Variants in PDIA3 observed in about 807,000 individuals in gnomAD.
PDIA3 encodes protein disulfide isomerase family A member 3.
In PDIA3, 16 loss-of-function variants were observed where a neutral mutation model predicts 56.9. The ratio of observed to expected loss-of-function variants is 0.28; its 90% CI spans 0.19 to 0.43. The LOEUF is 0.43. Ranked by LOEUF, PDIA3 falls within the 20% of genes least tolerant of loss-of-function variation. The probability of loss-of-function intolerance (pLI) is 1.00; values close to 1 mark genes in which losing one functional copy is unlikely to be tolerated. For missense variants in PDIA3, 485 were observed against 621.3 expected, an observed-to-expected ratio of 0.78 and a Z score of 2.33; for synonymous variants, 192 against 216.5, an observed-to-expected ratio of 0.89 and a Z score of 0.99.
chr15:43,772,364 A>C lies in PDIA3; in HGVS notation c.*1146A>C, dbSNP rs985980090. 6.6e-6 allele frequency: 1 copy of C among 152,240 alleles called. No individual in the cohort carries two copies. The highest frequency in any genetic ancestry group is 2.4e-5 in the African/African-American group (1 of 41,468). 9.4% of individuals were successfully genotyped at this position (152,240 alleles called of 1,614,324 possible). On this transcript the variant is annotated 3_prime_UTR_variant, in exon 13 of 13. Coordinates refer to ENST00000300289, the MANE Select transcript of PDIA3 (RefSeq NM_005313.5). ...TTCCTACTATATAATTACAGTATTT[A>C]GCTGTCAATTTTAAGATGAATTTGG...
intron 3 of PDIA3, among the ~76,000 whole-genome samples, chr15:43,757,550 T>C (rs1477836925): frequency 6.1e-5 from 8 of 130,418 alleles, no homozygotes; most frequent in African/African-American, 1.2e-4. Flanking sequence ...AGAGCGAGAC[T>C]CCGTCTCAAA....
At chr15:43,749,008 TG>T (rs1279638755) in intron 1 of PDIA3, among the ~76,000 whole-genome samples, 1 of 152,126 alleles carries the variant, frequency 6.6e-6, no homozygotes, top group Non-Finnish European at 1.5e-5. Context: ...TGACTTCAGG[TG>T]ATCTGCCCAC....
chr15:43,760,924 A>G (rs952338518), intron 3 of PDIA3, among the ~76,000 whole-genome samples: 2 of 151,658 alleles, frequency 1.3e-5, no homozygotes, highest in African/African-American at 4.8e-5. Flanking sequence ...TATGCAGAAA[A>G]TGTCTGGAAG....
rs1259222539 is a variant in PDIA3 at position 43,769,531 on chromosome 15, A to G, written c.1151A>G (p.Glu384Gly). ...TGTGTTTTCCAGGTAGTGGTAGCAG[A>G]GAATTTTGATGAAATAGTGAATAAT... ...NDGPVKVVVA[E>G]NFDEIVNNEN... Residue 384 changes from glutamate to glycine, a missense_variant, in exon 10 of 13, where the codon GAG becomes GGG. Glu to Gly is a moderately conservative substitution (Grantham distance 98). Coordinates refer to ENST00000300289, the MANE Select transcript of PDIA3 (RefSeq NM_005313.5). 1.9e-6 allele frequency: 3 copies of G among 1,613,336 alleles called. No individual in the cohort carries two copies. The highest frequency in any genetic ancestry group is 2.5e-6 in the Non-Finnish European group (3 of 1,179,346).
intron 8 of PDIA3, among the ~76,000 whole-genome samples, chr15:43,767,418 A>T (rs965491811): frequency 2.6e-5 from 4 of 152,170 alleles, no homozygotes; most frequent in Admixed American, 6.5e-5. Flanking sequence ...ATCCTTAATG[A>T]ATTCTGAAAA....
At chr15:43,760,977 C>A (rs910882825) in intron 3 of PDIA3, among the ~76,000 whole-genome samples, 2 of 151,290 alleles carry the variant, frequency 1.3e-5, no homozygotes, top group African/African-American at 4.9e-5. Flanking sequence ...TGGTGGCTCA[C>A]GCCTGTAATC....
In PDIA3 at chr15:43,771,275, A is replaced by T. The variant is rs1286064464; in HGVS notation, c.*57A>T. 2.7e-6 allele frequency: 3 copies of T among 1,107,618 alleles called. No homozygotes were observed. The African/African-American group carries it at 4.7e-5, about 17-fold the overall frequency. 68.6% of individuals were successfully genotyped at this position (1,107,618 alleles called of 1,614,324 possible). On this transcript the variant is annotated 3_prime_UTR_variant, in exon 13 of 13. Transcript: ENST00000300289. Reference sequence around the variant, plus strand: ...CTCTTCCATCAGAGATGGGAAAACCATTGGGGAGGACTAGGACCCATATGG... The same window carrying T: ...CTCTTCCATCAGAGATGGGAAAACCTTTGGGGAGGACTAGGACCCATATGG...
In PDIA3 at chr15:43,755,752, A is replaced by G. The variant is rs545356098; in HGVS notation, c.247-897A>G. ...AACATGGTGAAACCCCGTCTCTACT[A>G]AAAATACAAAAATTAGCCAGGTGTG... is the stretch of plus-strand genomic sequence containing the variant. On this transcript the variant is annotated intron_variant, in intron 2 of 12. Transcript: ENST00000300289. Among the ~76,000 whole-genome samples the G allele has an allele frequency of 3.3e-5, 5 of 152,094 alleles. No homozygotes were observed. The East Asian group carries it at 9.7e-4, about 29-fold the overall frequency.
chr15:43,764,486 A>T (rs1024851465), intron 5 of PDIA3, among the ~76,000 whole-genome samples: 1 of 152,168 alleles, frequency 6.6e-6, no homozygotes, highest in African/African-American at 2.4e-5. Context: ...TATTTTTTTC[A>T]GACAGAGTCT....
rs902912474 is a variant in PDIA3, at chr15:43,772,193, G to A, written c.*975G>A. The A allele has an allele frequency of 6.6e-6, 1 of 152,262 alleles. No homozygotes were observed. Among genetic ancestry groups the A allele is most frequent in the Non-Finnish European group, 1.5e-5 (1 of 68,074 alleles). The allele number at this position is 152,262 out of a possible 1,614,324, so 9.4% of individuals were successfully genotyped here. A position where few individuals can be genotyped will look rare whatever the true frequency, so the allele number is the denominator to read the frequency against. ...AACAGAAAGGATAAGACTGAAGAGT[G>A]ATCTTTTGTCCAACTAAACCATTTA... On this transcript the variant is annotated 3_prime_UTR_variant, in exon 13 of 13. Transcript: ENST00000300289.
At chr15:43,769,706 T>C in intron 10 of PDIA3, 60 bp downstream of exon 10, 1 of 1,557,466 alleles carries the variant, frequency 6.4e-7, no homozygotes, top group South Asian at 1.1e-5. Flanking sequence ...TTTATGTATG[T>C]ATTCAGCATT....
chr15:43,763,347 G>A (rs2141653690), intron 5 of PDIA3, 141 bp downstream of exon 5: 1 of 890,278 alleles, frequency 1.1e-6, no homozygotes, highest in Non-Finnish European at 1.7e-6. Context: ...CCACCTCCCA[G>A]GTTCAAACGA....
At chr15:43,751,138 A>C (rs2086741028) in intron 1 of PDIA3, among the ~76,000 whole-genome samples, 1 of 95,092 alleles carries the variant, frequency 1.1e-5, no homozygotes, top group Non-Finnish European at 2.5e-5. Context: ...TCTCGAAAAA[A>C]AAAAAAAAAA....
At chr15:43,760,154 G>A (rs1454520305) in intron 3 of PDIA3, among the ~76,000 whole-genome samples, 1 of 152,104 alleles carries the variant, frequency 6.6e-6, no homozygotes, top group Non-Finnish European at 1.5e-5. Context: ...ACTTTGGGAA[G>A]CTGAGGCAGG....
At chr15:43,753,799 T>C in intron 1 of PDIA3, 25 bp from the exon 2 acceptor site, 5 of 1,520,182 alleles carry the variant, frequency 3.3e-6, no homozygotes, top group Non-Finnish European at 4.6e-6. Flanking sequence ...AAACTGAGAA[T>C]TTGGCTTTTT....
chr15:43,751,473 A>G (rs183388513), intron 1 of PDIA3: 10 of 597,012 alleles, frequency 1.7e-5, no homozygotes, highest in Admixed American at 2.6e-5. Context: ...CCCTGAGGAT[A>G]GATAGAATTA....
At chr15:43,766,295 G>A (rs1019423309) in intron 7 of PDIA3, among the ~76,000 whole-genome samples, 2 of 152,080 alleles carry the variant, frequency 1.3e-5, no homozygotes, top group Non-Finnish European at 1.5e-5. Flanking sequence ...CAATCTGTTG[G>A]GCATGTATTT....
At chr15:43,760,978 G>T (rs1354210573) in intron 3 of PDIA3, among the ~76,000 whole-genome samples, 1 of 151,376 alleles carries the variant, frequency 6.6e-6, no homozygotes, top group African/African-American at 2.4e-5. Context: ...GGTGGCTCAC[G>T]CCTGTAATCC....
intron 1 of PDIA3, chr15:43,752,766 C>T (rs1449455242): frequency 1.3e-5 from 6 of 470,390 alleles, no homozygotes; most frequent in South Asian, 3.1e-5. Flanking sequence ...CAAGTTTCTT[C>T]TCTATTATAT....
Sources: gnomAD v4.1 joint callset for allele counts (sites outside exome capture counted in the v4.1 genomes callset) on GRCh38, gnomAD v4.1.1 for gene constraint, MANE v1.5 for transcripts, NCBI Gene and HGNC (gene_info 2026-07-23, HGNC 2026-07-21) for gene names.